TCF12: variants seen among roughly 807,000 people sequenced by gnomAD.
TCF12 encodes transcription factor 12, also known as DNA-binding protein HTF4.
In TCF12, 45 loss-of-function variants were observed where a neutral mutation model predicts 86.0. That is an observed-to-expected ratio of 0.52 (90% CI 0.41 to 0.67). TCF12 has a LOEUF of 0.67. TCF12 is among the 30% of genes least tolerant of loss of function. The probability of loss-of-function intolerance (pLI) is 0.00; values close to 1 mark genes in which losing one functional copy is unlikely to be tolerated. For synonymous variants in TCF12, 330 were observed against 299.6 expected, an observed-to-expected ratio of 1.10 and a Z score of -1.05; for missense variants, 881 against 859.9, an observed-to-expected ratio of 1.02 and a Z score of -0.31.
intron 6 of TCF12, among the ~76,000 whole-genome samples, chr15:57,178,418 T>TA (rs1482805925): frequency 2.0e-5 from 3 of 152,196 alleles, no homozygotes; most frequent in African/African-American, 4.8e-5. Context: ...TAATTATACT[T>TA]ACAAAAATAC....
At position 56,921,074 on chromosome 15, in the gene TCF12, G is replaced by A. The variant is rs2059770058; in HGVS notation, c.124G>A (p.Gly42Arg). The A allele has an allele frequency of 6.2e-7, 1 of 1,608,180 alleles. No homozygotes were observed. The highest frequency in any genetic ancestry group is 1.3e-5 in the African/African-American group (1 of 74,734). Residue 42 changes from glycine to arginine, a missense_variant, in exon 3 of 21, where the codon GGA becomes AGA. Transcript: ENST00000333725. ...NSGKTRPTTL[G>R]SSQFSGSGID... ...TGGGAAAACTAGACCAACTACACTGGGAAGCAGTCAATTCAGTGGATCAGG... is the reference window on the plus strand; with the variant it reads ...TGGGAAAACTAGACCAACTACACTGAGAAGCAGTCAATTCAGTGGATCAGG...
chr15:57,219,831 T>C (rs1183585856), intron 8 of TCF12, among the ~76,000 whole-genome samples: 1 of 151,266 alleles, frequency 6.6e-6, no homozygotes, highest in Non-Finnish European at 1.5e-5. Context: ...GTTCAAGCGA[T>C]TCTCCCGCCT....
chr15:56,965,615 A>C (rs2061967707), intron 3 of TCF12, among the ~76,000 whole-genome samples: 1 of 152,192 alleles, frequency 6.6e-6, no homozygotes, highest in Admixed American at 6.5e-5. Context: ...TTGAAGAAAT[A>C]GTTAAAATAC....
At chr15:57,108,849 A>G (rs2050305670) in intron 5 of TCF12, among the ~76,000 whole-genome samples, 1 of 152,212 alleles carries the variant, frequency 6.6e-6, no homozygotes, top group Non-Finnish European at 1.5e-5. Flanking sequence ...AACAAATGAA[A>G]ATATACTTTC....
chr15:57,157,304 C>A (rs771231898), intron 5 of TCF12, among the ~76,000 whole-genome samples: 28 of 151,794 alleles, frequency 1.8e-4, no homozygotes, highest in Non-Finnish European at 3.4e-4. Flanking sequence ...AACAGCTCCC[C>A]TAGTTCTGTA....
intron 5 of TCF12, among the ~76,000 whole-genome samples, chr15:57,093,112 A>C (rs2049096792): frequency 6.6e-6 from 1 of 152,224 alleles, no homozygotes; most frequent in African/African-American, 2.4e-5. Context: ...TTAAAATCAC[A>C]ATTTGTTTCA....
At chr15:56,997,687 A>T (rs1181625322) in intron 3 of TCF12, among the ~76,000 whole-genome samples, 3 of 152,364 alleles carry the variant, frequency 2.0e-5, no homozygotes, top group East Asian at 1.9e-4. Flanking sequence ...TTAATGAGAA[A>T]ACAAATAATA....
At chr15:57,270,966 A>T (rs112280990) in intron 18 of TCF12, among the ~76,000 whole-genome samples, 27,963 of 152,036 alleles carry the variant, frequency 0.18, 3,165 homozygotes, top group Non-Finnish European at 0.25. Flanking sequence ...ACCCACCTGT[A>T]TGAGGTGTCT....
intron 6 of TCF12, among the ~76,000 whole-genome samples, chr15:57,171,805 G>A (rs1270607783): frequency 2.0e-5 from 3 of 152,172 alleles, no homozygotes; most frequent in African/African-American, 4.8e-5. Context: ...AGAAGCCAGT[G>A]TCTTTATTAA....
intron 5 of TCF12, among the ~76,000 whole-genome samples, chr15:57,138,598 A>G (rs1449635459): frequency 6.6e-6 from 1 of 152,246 alleles, no homozygotes; most frequent in Non-Finnish European, 1.5e-5. Context: ...TCCACTTTAT[A>G]AACCATTCTA....
chr15:57,273,143 C>T lies in TCF12; in HGVS notation c.1859C>T (p.Ala620Val). Residue 620 changes from alanine to valine, a missense_variant, in exon 19 of 21, where the codon GCA becomes GTA. By Grantham distance (64) the Ala-to-Val change is moderately conservative (BLOSUM62 0). Transcript: ENST00000333725. ...ERLRVRDINE[A>V]FKELGRMCQL... ...TTACGCGTGCGGGATATTAATGAAG[C>T]ATTCAAAGAGCTTGGCCGAATGTGT... 1 of 1,614,198 alleles carries T rather than the reference C, an allele frequency of 6.2e-7. No individual in the cohort carries two copies.
intron 4 of TCF12, among the ~76,000 whole-genome samples, chr15:57,077,367 G>A (rs868019120): frequency 0.11 from 3,443 of 31,946 alleles, 175 homozygotes; most frequent in East Asian, 0.18. Flanking sequence ...GTGTGTGTGT[G>A]TGTGTGTATA....
intron 3 of TCF12, among the ~76,000 whole-genome samples, chr15:56,958,250 G>T (rs1328332797): frequency 3.9e-5 from 6 of 152,024 alleles, no homozygotes; most frequent in Non-Finnish European, 8.8e-5. Context: ...TCCCCTTCCT[G>T]CACCCTGGCC....
In TCF12 at chr15:57,063,841, C is replaced by A; in HGVS notation, c.222+18C>A. ...CATCTAGAGTAAGTTTGCTGATCAA[C>A]CCTTGATTAAAGCTGTAATTTGGCA... On this transcript the variant is annotated intron_variant, in intron 4 of 20. Coordinates refer to ENST00000333725, the MANE Select transcript of TCF12 (RefSeq NM_207037.2). 3 of 1,551,546 alleles carry A rather than the reference C, an allele frequency of 1.9e-6. No individual in the cohort carries two copies. The highest frequency in any genetic ancestry group is 1.8e-6 in the Non-Finnish European group (2 of 1,134,998).
At chr15:57,069,766 T>A (rs2150991573) in intron 4 of TCF12, among the ~76,000 whole-genome samples, 1 of 152,274 alleles carries the variant, frequency 6.6e-6, no homozygotes, top group East Asian at 1.9e-4. Flanking sequence ...AACTTTACGT[T>A]TTCTGCCATA....
intron 3 of TCF12, among the ~76,000 whole-genome samples, chr15:56,960,661 C>T (rs2111892): frequency 0.18 from 27,445 of 151,346 alleles, 2,963 homozygotes; most frequent in Non-Finnish European, 0.24. Context: ...AACTCCTGAC[C>T]TCAGGTGATC....
intron 19 of TCF12, among the ~76,000 whole-genome samples, chr15:57,276,441 T>C (rs1367643979): frequency 6.6e-6 from 1 of 152,324 alleles, no homozygotes; most frequent in East Asian, 1.9e-4. Context: ...CCATAGCAGA[T>C]GAAATAGCGA....
At chr15:57,036,979 A>T (rs1205569238) in intron 3 of TCF12, among the ~76,000 whole-genome samples, 1 of 152,272 alleles carries the variant, frequency 6.6e-6, no homozygotes, top group East Asian at 1.9e-4. Context: ...CATAACTAGC[A>T]TGTTGGGATG....
At chr15:57,055,271 G>A (rs1181124989) in intron 3 of TCF12, among the ~76,000 whole-genome samples, 1 of 152,218 alleles carries the variant, frequency 6.6e-6, no homozygotes, top group Non-Finnish European at 1.5e-5. Context: ...GTGTGGTGGC[G>A]CACGCCGGTA....
Sources: allele counts gnomAD v4.1 joint callset (sites outside exome capture counted in the v4.1 genomes callset), GRCh38; gene constraint gnomAD v4.1.1; transcripts MANE v1.5; gene names NCBI Gene and HGNC (gene_info 2026-07-23, HGNC 2026-07-21).